The following TENM3 variants were observed in gnomAD, a reference collection of about 807,000 sequenced individuals.
TENM3 encodes the protein teneurin transmembrane protein 3.
In TENM3, 63 loss-of-function variants were observed where a neutral mutation model predicts 255.1. The ratio of observed to expected loss-of-function variants is 0.25; its 90% CI spans 0.20 to 0.30. The LOEUF (loss-of-function observed/expected upper bound fraction) is 0.30. TENM3 is among the 10% of genes least tolerant of loss of function. The probability of loss-of-function intolerance (pLI) is 1.00; values close to 1 mark genes in which losing one functional copy is unlikely to be tolerated. For synonymous variants in TENM3, 1,306 were observed against 1,322.3 expected (o/e 0.99, Z 0.27); for missense variants, 2,929 against 3,461.1 (o/e 0.85, Z 3.86).
intron 3 of TENM3, among the ~76,000 whole-genome samples, chr4:182,397,427 AAAT>A (rs1236322328): frequency 3.5e-4 from 45 of 128,444 alleles, no homozygotes; most frequent in African/African-American, 1.1e-3. Context: ...AAAAAAAAAA[AAAT>A]CAAACAAGAG....
rs1264159615 is a variant in TENM3 at position 182,738,482 on chromosome 4, T to C, written c.3317T>C (p.Leu1106Ser). The change falls in exon 18 of 28, where the codon TTG becomes TCG. Residue 1106 changes from leucine (L) to serine (S), a missense_variant. Around this residue, in one of 6 missense-constraint regions of TENM3, gnomAD observed 1,608 missense variants for 1,884.4 expected, o/e 0.85. Transcript: ENST00000511685. ...KRTAILQGYE[L>S]DASNMGGWTL... ...ACTGCCATTCTGCAGGGCTATGAATTGGATGCGTCCAACATGGGTGGCTGG... is the reference window on the plus strand; with the variant it reads ...ACTGCCATTCTGCAGGGCTATGAATCGGATGCGTCCAACATGGGTGGCTGG... The C allele has an allele frequency of 1.4e-5, 23 of 1,613,402 alleles. No individual in the cohort carries two copies. Among genetic ancestry groups the C allele is most frequent in the Non-Finnish European group, 1.9e-5 (22 of 1,179,606 alleles).
At chr4:182,758,127 A>C (rs1391947663) in intron 22 of TENM3, among the ~76,000 whole-genome samples, 1 of 152,218 alleles carries the variant, frequency 6.6e-6, no homozygotes, top group African/African-American at 2.4e-5. Flanking sequence ...ACGACTAAAA[A>C]ATGTCTAAGA....
At chr4:182,663,275 A>G (rs1754375246) in intron 6 of TENM3, among the ~76,000 whole-genome samples, 1 of 152,216 alleles carries the variant, frequency 6.6e-6, no homozygotes, top group Non-Finnish European at 1.5e-5. Flanking sequence ...ACCCCCTTCA[A>G]CAAAATAGCT....
chr4:181,451,291 A>G, the TENM3 span, among the ~76,000 whole-genome samples: 2 of 152,188 alleles, frequency 1.3e-5, no homozygotes, highest in Non-Finnish European at 2.9e-5. Context: ...TGTCTAGAGC[A>G]CAGCCTGCAA....
chr4:182,753,047 A>C (rs1426955706), intron 20 of TENM3, among the ~76,000 whole-genome samples: 1 of 150,902 alleles, frequency 6.6e-6, no homozygotes, highest in Non-Finnish European at 1.5e-5. Flanking sequence ...CCCGGGTTCA[A>C]GCCATTCTTC....
intron 3 of TENM3, among the ~76,000 whole-genome samples, chr4:182,486,872 T>G (rs776531311): frequency 6.6e-6 from 1 of 152,180 alleles, no homozygotes; most frequent in African/African-American, 2.4e-5. Flanking sequence ...ATGAGTCTAG[T>G]CCCTTGGGGG....
intron 3 of TENM3, among the ~76,000 whole-genome samples, chr4:182,360,143 A>G (rs1427046313): frequency 6.9e-6 from 1 of 143,910 alleles, no homozygotes; most frequent in Non-Finnish European, 1.5e-5. Context: ...ACTTCCAACT[A>G]TGTGGTCAAT....
chr4:182,770,340 C>G (rs1053707162), intron 22 of TENM3, among the ~76,000 whole-genome samples: 2 of 152,144 alleles, frequency 1.3e-5, no homozygotes, highest in East Asian at 3.9e-4. Flanking sequence ...TTCTTTAAAC[C>G]TTCTTCAGCA....
chr4:181,920,829 A>G, the TENM3 span, among the ~76,000 whole-genome samples: 1 of 152,066 alleles, frequency 6.6e-6, no homozygotes, highest in East Asian at 1.9e-4. Flanking sequence ...CCTGAATGGT[A>G]ATGCCTAGGT....
the TENM3 span, among the ~76,000 whole-genome samples, chr4:181,673,976 ATTTCTTTTCT>A: frequency 1.3e-5 from 2 of 151,728 alleles, no homozygotes; most frequent in African/African-American, 2.4e-5. Context: ...AGTATGGCGA[ATTTCTTTTCT>A]TTTCTTTTCT....
At chr4:181,476,149 A>C in the TENM3 span, among the ~76,000 whole-genome samples, 2 of 152,130 alleles carry the variant, frequency 1.3e-5, no homozygotes, top group Non-Finnish European at 2.9e-5. Flanking sequence ...AGTAAGATGC[A>C]AATTCAAAGC....
At chr4:182,162,543 G>A (rs967299764) in intron 1 of TENM3, among the ~76,000 whole-genome samples, 2 of 152,154 alleles carry the variant, frequency 1.3e-5, no homozygotes, top group Non-Finnish European at 2.9e-5. Flanking sequence ...TCATTTCCAA[G>A]TTGGTATTCT....
the TENM3 span, among the ~76,000 whole-genome samples, chr4:181,875,717 T>A: frequency 6.6e-6 from 1 of 152,204 alleles, no homozygotes; most frequent in Non-Finnish European, 1.5e-5. Context: ...AGTGTGCCGA[T>A]GGACAGAGGC....
the TENM3 span, among the ~76,000 whole-genome samples, chr4:181,802,300 G>A: frequency 9.2e-5 from 14 of 152,220 alleles, no homozygotes; most frequent in South Asian, 4.2e-4. Flanking sequence ...TTCAGCCAAG[G>A]ACATTACAGA....
intron 3 of TENM3, among the ~76,000 whole-genome samples, chr4:182,416,689 A>G (rs1473712380): frequency 7.2e-5 from 11 of 152,230 alleles, no homozygotes; most frequent in South Asian, 2.1e-4. Context: ...TTCCCAAAGT[A>G]ACTATAACAA....
At chr4:182,053,607 G>C in the TENM3 span, among the ~76,000 whole-genome samples, 1 of 152,142 alleles carries the variant, frequency 6.6e-6, no homozygotes, top group Admixed American at 6.5e-5. Context: ...GTGCACCTGA[G>C]CTTTGCCTGA....
At chr4:182,654,728 T>C (rs567434738) in intron 6 of TENM3, among the ~76,000 whole-genome samples, 4 of 152,346 alleles carry the variant, frequency 2.6e-5, no homozygotes, top group African/African-American at 9.6e-5. Context: ...GGCATTAATA[T>C]GTCTATCCTC....
intron 3 of TENM3, among the ~76,000 whole-genome samples, chr4:182,468,366 A>G (rs570280428): frequency 3.3e-5 from 5 of 152,294 alleles, no homozygotes; most frequent in African/African-American, 1.2e-4. Flanking sequence ...AGCTCAAGGT[A>G]AGGTATATAT....
At position 182,464,321 on chromosome 4, in the gene TENM3, A is replaced by G. The variant is rs1732372669; in HGVS notation, c.511+117392A>G. On this transcript the variant is annotated intron_variant, in intron 3 of 27. Transcript: ENST00000511685. ...ACCCAGGCTAGAGTGCAGTGGTGCA[A>G]TCTTGGCTCACTGCAACCTCCGCCT... is the stretch of plus-strand genomic sequence containing the variant. Among the ~76,000 whole-genome samples, 3 of 152,134 alleles carry G rather than the reference A, an allele frequency of 2.0e-5. No homozygotes were observed. The South Asian group carries it at 6.2e-4, about 32-fold the overall frequency.
Sources: gnomAD v4.1 joint callset for allele counts (sites outside exome capture counted in the v4.1 genomes callset) on GRCh38, gnomAD v4.1.1 for gene constraint, gnomAD v4.1.1 regional missense constraint, MANE v1.5 for transcripts, NCBI Gene and HGNC (gene_info 2026-07-23, HGNC 2026-07-21) for gene names.